Variants in FBN2 observed in about 807,000 individuals in gnomAD.
FBN2 encodes fibrillin 2.
FBN2 carries 105 observed loss-of-function variants against 355.6 expected under a neutral mutation model. The observed-to-expected ratio is 0.30, with a 90% CI of 0.25 to 0.35. The LOEUF (loss-of-function observed/expected upper bound fraction) is 0.35, where lower values mean the gene tolerates loss of function less well. Among genes scored for constraint, FBN2 ranks in the 10% least tolerant of loss-of-function variants. The probability of loss-of-function intolerance (pLI) is 1.00; values close to 1 mark genes in which losing one functional copy is unlikely to be tolerated. For synonymous variants in FBN2, 1,350 were observed against 1,301.2 expected, an observed-to-expected ratio of 1.04 and a Z score of -0.81; for missense variants, 3,280 against 3,758.7, an observed-to-expected ratio of 0.87 and a Z score of 3.33.
chr5:128,371,418 T>C (rs1042444012), intron 15 of FBN2, among the ~76,000 whole-genome samples: 1 of 151,846 alleles, frequency 6.6e-6, no homozygotes, highest in East Asian at 1.9e-4. Flanking sequence ...TTTCTCTCCT[T>C]CTTTCTCTCT....
rs536920313 is a variant in FBN2 at position 128,319,020 on chromosome 5, A to T, written c.4472-19T>A. The stretch of plus-strand genomic sequence containing the variant: ...TCAATATCTGAAGATTTTAAAAAAA[A>T]GTAATCTCTTATTTAAGAAGACATT... On this transcript the variant is annotated intron_variant, in intron 34 of 64. Coordinates refer to ENST00000262464, the MANE Select transcript of FBN2 (RefSeq NM_001999.4). The T allele has an allele frequency of 1.9e-6, 3 of 1,579,212 alleles. No individual in the cohort carries two copies. In the East Asian group the frequency reaches 6.7e-5, roughly 35 times the overall value.
In FBN2 at chr5:128,376,827, T is replaced by G. The variant is rs1385431281; in HGVS notation, c.1876A>C (p.Met626Leu). The change falls in exon 14 of 65, where the codon ATG becomes CTG. Residue 626 changes from methionine (M) to leucine (L), a missense_variant. Physicochemically the swap from Met to Leu is conservative, Grantham distance 15 (BLOSUM62 2). Coordinates refer to ENST00000262464, the MANE Select transcript of FBN2 (RefSeq NM_001999.4). ...VDHDECTTTN[M>L]CLNGMCINED... ...TTGATGCACATTCCATTCAAACACA[T>G]GTTGGTAGTTGTACATTCATCATGA... 1.2e-6 allele frequency: 2 copies of G among 1,613,532 alleles called. No homozygotes were observed. The highest frequency in any genetic ancestry group is 1.7e-4 in the Middle Eastern group (1 of 6,054).
chr5:128,489,719 A>C (rs1403566281), intron 5 of FBN2, among the ~76,000 whole-genome samples: 1 of 144,628 alleles, frequency 6.9e-6, no homozygotes, highest in Non-Finnish European at 1.5e-5. Flanking sequence ...AGTAGGTGTA[A>C]TTATTATACT....
At chr5:128,442,434 T>C (rs1753947462) in intron 7 of FBN2, 1 of 450,694 alleles carries the variant, frequency 2.2e-6, no homozygotes, top group South Asian at 1.6e-5. Context: ...TCTTTTAGTG[T>C]ACCATTTCAT....
chr5:128,286,623 A>G, intron 55 of FBN2, 95 bp downstream of exon 55: 1 of 1,422,536 alleles, frequency 7.0e-7, no homozygotes. Context: ...CTGGAAAAAG[A>G]GTTGGCTTGC....
At chr5:128,308,840 TA>T (rs1025527935) in intron 41 of FBN2, among the ~76,000 whole-genome samples, 3 of 151,546 alleles carry the variant, frequency 2.0e-5, no homozygotes, top group Non-Finnish European at 2.9e-5. Flanking sequence ...ACGGCTGAAC[TA>T]AAAAAAAATC....
intron 7 of FBN2, among the ~76,000 whole-genome samples, chr5:128,423,516 C>G (rs1753407159): frequency 6.6e-6 from 1 of 152,104 alleles, no homozygotes; most frequent in Non-Finnish European, 1.5e-5. Flanking sequence ...CAATTACCTC[C>G]CACCAGGTCC....
At chr5:128,474,720 A>G (rs1304852106) in intron 5 of FBN2, among the ~76,000 whole-genome samples, 1 of 152,194 alleles carries the variant, frequency 6.6e-6, no homozygotes, top group Non-Finnish European at 1.5e-5. Flanking sequence ...AACTTAGTAA[A>G]TAACACCTTT....
chr5:128,321,123 G>A (rs1417589082), intron 34 of FBN2, among the ~76,000 whole-genome samples: 1 of 152,104 alleles, frequency 6.6e-6, no homozygotes, highest in Non-Finnish European at 1.5e-5. Context: ...CAAGAAGGGT[G>A]GGACTTTTAT....
At chr5:128,530,758 G>C (rs903176565) in intron 2 of FBN2, 65 bp from the exon 3 acceptor site, 3 of 1,060,750 alleles carry the variant, frequency 2.8e-6, no homozygotes, top group Admixed American at 1.8e-5. Context: ...TACAAAACAA[G>C]AAAGCTGTAT....
At chr5:128,428,942 T>C (rs1753550249) in intron 7 of FBN2, among the ~76,000 whole-genome samples, 1 of 152,186 alleles carries the variant, frequency 6.6e-6, no homozygotes, top group Non-Finnish European at 1.5e-5. Flanking sequence ...ACCTGGCCAC[T>C]CTCATTGGCC....
intron 20 of FBN2, among the ~76,000 whole-genome samples, chr5:128,352,807 G>T (rs181335986): frequency 4.6e-5 from 7 of 152,174 alleles, no homozygotes; most frequent in African/African-American, 1.4e-4. Flanking sequence ...ATTAAGACTT[G>T]GAAGAAAACA....
At chr5:128,351,105 A>C in intron 20 of FBN2, 100 bp from the exon 21 acceptor site, 2 of 1,425,432 alleles carry the variant, frequency 1.4e-6, no homozygotes, top group Admixed American at 3.4e-5. Flanking sequence ...CTAAAAAAGA[A>C]AGATTACTGG....
intron 5 of FBN2, among the ~76,000 whole-genome samples, chr5:128,483,801 G>A (rs1262258040): frequency 6.6e-6 from 1 of 152,136 alleles, no homozygotes; most frequent in Admixed American, 6.6e-5. Context: ...CATTTTAAGC[G>A]ATAATAGCTG....
chr5:128,311,834 T>A (rs1750066043), intron 38 of FBN2, 51 bp downstream of exon 38: 3 of 1,380,468 alleles, frequency 2.2e-6, no homozygotes, highest in Non-Finnish European at 3.1e-6. Context: ...CTTTTCTCTA[T>A]AATTAACTCT....
In FBN2 at chr5:128,537,432, A is replaced by C; in HGVS notation, c.172T>G (p.Phe58Val). 1 of 1,608,308 alleles carries C rather than the reference A, an allele frequency of 6.2e-7. No individual in the cohort carries two copies. The highest frequency in any genetic ancestry group is 1.7e-5 in the Admixed American group (1 of 59,732). Residue 58 changes from phenylalanine to valine, a missense_variant, in exon 1 of 65, where the codon TTT becomes GTT. Transcript: ENST00000262464. ...TCCTCGCGATACTCGGGCGCTAGAAACCCGCCTTCAGAGCCTGCTGTAGCG... is the reference window on the plus strand; with the variant it reads ...TCCTCGCGATACTCGGGCGCTAGAACCCCGCCTTCAGAGCCTGCTGTAGCG... Reference protein sequence around the residue: ...RSATAGSEGGFLAPEYREEGA... With the variant: ...RSATAGSEGGVLAPEYREEGA...
chr5:128,341,055 G>A (rs988025411), intron 25 of FBN2, among the ~76,000 whole-genome samples: 1 of 152,116 alleles, frequency 6.6e-6, no homozygotes, highest in Non-Finnish European at 1.5e-5. Flanking sequence ...GGTACAGGAC[G>A]GACCGGTAGG....
intron 2 of FBN2, among the ~76,000 whole-genome samples, chr5:128,535,209 T>A (rs1452634900): frequency 6.6e-6 from 1 of 152,206 alleles, no homozygotes; most frequent in Non-Finnish European, 1.5e-5. Context: ...CCATTGGAAA[T>A]AGTGGGATGT....
At chr5:128,505,571 A>T (rs1755933283) in intron 5 of FBN2, among the ~76,000 whole-genome samples, 1 of 152,082 alleles carries the variant, frequency 6.6e-6, no homozygotes, top group Non-Finnish European at 1.5e-5. Flanking sequence ...ATATAACAAC[A>T]TATCCTTCAC....
Sources: allele counts gnomAD v4.1 joint callset (sites outside exome capture counted in the v4.1 genomes callset), GRCh38; gene constraint gnomAD v4.1.1; transcripts MANE v1.5; gene names NCBI Gene and HGNC (gene_info 2026-07-23, HGNC 2026-07-21).